The following GLRA2 variants were observed in gnomAD, a reference collection of about 807,000 sequenced individuals.
GLRA2 encodes the protein glycine receptor subunit alpha-2.
GLRA2 carries 11 observed loss-of-function variants against 31.6 expected under a neutral mutation model. The observed-to-expected ratio is 0.35, with a 90% CI of 0.22 to 0.58. GLRA2 has a LOEUF of 0.58. GLRA2 is among the 20% of genes least tolerant of loss of function. The probability of loss-of-function intolerance (pLI) is 0.84; values close to 1 mark genes in which losing one functional copy is unlikely to be tolerated. For synonymous variants in GLRA2, 132 were observed against 134.0 expected, an observed-to-expected ratio of 0.99 and a Z score of 0.10; for missense variants, 212 against 351.8, an observed-to-expected ratio of 0.60 and a Z score of 3.18.
the GLRA2 span, among the ~76,000 whole-genome samples, chrX:14,498,736 T>A: frequency 9.0e-6 from 1 of 111,348 alleles, no homozygotes; most frequent in African/African-American, 3.3e-5. Flanking sequence ...ATCTTTATAC[T>A]CATTAATCAG....
At chrX:14,621,766 G>T (rs1414180373) in intron 7 of GLRA2, among the ~76,000 whole-genome samples, 1 of 111,991 alleles carries the variant, frequency 8.9e-6, no homozygotes, top group Non-Finnish European at 1.9e-5. Context: ...TCTATCATAG[G>T]TAGACATTTG....
At chrX:14,626,811 T>C (rs2090593639) in intron 7 of GLRA2, among the ~76,000 whole-genome samples, 1 of 112,119 alleles carries the variant, frequency 8.9e-6, no homozygotes, top group Non-Finnish European at 1.9e-5. Context: ...GGAACTGCAG[T>C]CACACATAAC....
intron 7 of GLRA2, among the ~76,000 whole-genome samples, chrX:14,636,646 A>G (rs1169787309): frequency 4.5e-5 from 5 of 111,510 alleles, no homozygotes; most frequent in Non-Finnish European, 9.4e-5. Context: ...TCCTTGAACA[A>G]CAGTAAGAAA....
chrX:14,516,834 A>G, the GLRA2 span, among the ~76,000 whole-genome samples: 2 of 111,459 alleles, frequency 1.8e-5, no homozygotes, highest in Non-Finnish European at 3.8e-5. Context: ...ACTCCTATTC[A>G]GTATCCAACA....
chrX:14,545,739 T>C (rs1235041079), intron 2 of GLRA2, among the ~76,000 whole-genome samples: 5 of 111,578 alleles, frequency 4.5e-5, no homozygotes, highest in Non-Finnish European at 9.4e-5. Flanking sequence ...TCACAGCTTC[T>C]CCATTTCCAA....
intron 8 of GLRA2, among the ~76,000 whole-genome samples, chrX:14,702,615 T>A (rs867177585): frequency 1.8e-5 from 2 of 111,432 alleles, no homozygotes; most frequent in Non-Finnish European, 3.8e-5. Context: ...CACTACAAAC[T>A]TAATGGCTTA....
At chrX:14,493,504 CATATAT>C in the GLRA2 span, among the ~76,000 whole-genome samples, 3 of 101,231 alleles carry the variant, frequency 3.0e-5, no homozygotes, top group Non-Finnish European at 4.0e-5. Context: ...TAAGGCTGAA[CATATAT>C]ATATATATAC....
chrX:14,604,543 AGT>A (rs377121617), intron 5 of GLRA2, 146 bp downstream of exon 5: 7,702 of 159,810 alleles, frequency 0.048, 243 homozygotes, highest in African/African-American at 0.079. Context: ...GACAAACCAA[AGT>A]GTGTGTGTGT....
At chrX:14,697,787 A>G (rs1291673346) in intron 8 of GLRA2, among the ~76,000 whole-genome samples, 3 of 112,203 alleles carry the variant, frequency 2.7e-5, no homozygotes, top group Non-Finnish European at 5.6e-5. Context: ...CTGTACACAT[A>G]AAAAGGAAAG....
the GLRA2 span, among the ~76,000 whole-genome samples, chrX:14,520,645 G>C: frequency 8.9e-6 from 1 of 112,566 alleles, no homozygotes; most frequent in African/African-American, 3.2e-5. Flanking sequence ...CCAATTGCCT[G>C]CATGGAGCCT....
intron 2 of GLRA2, among the ~76,000 whole-genome samples, chrX:14,548,991 T>C (rs2089519245): frequency 8.9e-6 from 1 of 111,920 alleles, no homozygotes; most frequent in African/African-American, 3.2e-5. Flanking sequence ...ACCAAAAATC[T>C]TTACAAAAGA....
intron 2 of GLRA2, among the ~76,000 whole-genome samples, chrX:14,569,680 A>T (rs2089857836): frequency 8.9e-6 from 1 of 112,789 alleles, no homozygotes; most frequent in Non-Finnish European, 1.9e-5. Flanking sequence ...TGCAGATGCT[A>T]TGGTAAACAG....
At chrX:14,688,981 A>T (rs750954675) in intron 7 of GLRA2, among the ~76,000 whole-genome samples, 23 of 112,239 alleles carry the variant, frequency 2.0e-4, no homozygotes, top group African/African-American at 6.8e-4. Flanking sequence ...ATGTATATTA[A>T]GTGATTTTAT....
chrX:14,527,652 T>C (rs2089196004), upstream of GLRA2, among the ~76,000 whole-genome samples: 2 of 111,140 alleles, frequency 1.8e-5, no homozygotes, highest in African/African-American at 3.3e-5. Flanking sequence ...ACAAAGACTA[T>C]ATTATTTAAG....
chrX:14,649,759 A>C (rs1365218760), intron 7 of GLRA2, among the ~76,000 whole-genome samples: 1 of 111,925 alleles, frequency 8.9e-6, no homozygotes, highest in Non-Finnish European at 1.9e-5. Flanking sequence ...AAATATTCCT[A>C]AGTCTTCTTC....
chrX:14,567,543 T>C (rs1028097908), intron 2 of GLRA2, among the ~76,000 whole-genome samples: 1 of 112,354 alleles, frequency 8.9e-6, no homozygotes, highest in Non-Finnish European at 1.9e-5. Flanking sequence ...GGGTGAAAGA[T>C]TGAAAGCTTT....
chrX:14,634,702 T>G (rs1254121361), intron 7 of GLRA2, among the ~76,000 whole-genome samples: 1 of 111,969 alleles, frequency 8.9e-6, no homozygotes, highest in African/African-American at 3.2e-5. Flanking sequence ...TTTGGACTTA[T>G]CAAATAGACA....
chrX:14,653,961 C>T (rs1325480585), intron 7 of GLRA2, among the ~76,000 whole-genome samples: 1 of 111,505 alleles, frequency 9.0e-6, no homozygotes, highest in Non-Finnish European at 1.9e-5. Context: ...TGTGTCTTTA[C>T]AAAAAGTTTG....
chrX:14,474,332 G>C, the GLRA2 span, among the ~76,000 whole-genome samples: 1 of 111,312 alleles, frequency 9.0e-6, no homozygotes, highest in Non-Finnish European at 1.9e-5. Context: ...GTATGGCTTG[G>C]AATACTTTAC....
Sources: allele counts gnomAD v4.1 joint callset (sites outside exome capture counted in the v4.1 genomes callset), GRCh38; gene constraint gnomAD v4.1.1; transcripts MANE v1.5; gene names NCBI Gene and HGNC (gene_info 2026-07-23, HGNC 2026-07-21).